ZNF420: variants seen among roughly 807,000 people sequenced by gnomAD.
ZNF420 encodes the protein zinc finger protein 420.
In ZNF420, 31 loss-of-function variants were observed where a neutral mutation model predicts 44.7. The observed-to-expected ratio is 0.69, with a 90% CI of 0.52 to 0.94. The LOEUF (loss-of-function observed/expected upper bound fraction) is 0.94, where lower values mean the gene tolerates loss of function less well. Ranked by LOEUF, ZNF420 falls within the 40% of genes least tolerant of loss-of-function variation. The probability of loss-of-function intolerance (pLI) is 0.00; values close to 1 mark genes in which losing one functional copy is unlikely to be tolerated. For synonymous variants in ZNF420, 245 were observed against 267.4 expected (o/e 0.92, Z 0.82); for missense variants, 681 against 827.9 (o/e 0.82, Z 2.18).
In ZNF420 at chr19:37,125,100, A is replaced by C. The variant is rs369338456; in HGVS notation, c.137-2028A>C. Among the ~76,000 whole-genome samples, 38 of 152,194 alleles carry C rather than the reference A, an allele frequency of 2.5e-4. No homozygotes were observed. In the South Asian group the frequency reaches 7.3e-3, roughly 29 times the overall value. On this transcript the variant is annotated intron_variant, in intron 4 of 4. Transcript: ENST00000337995. ...TGATCCACCTGCCTTGGCCTCCCAA[A>C]GTGCTGGGATTACAGGCATGAGCCA...
intron 1 of ZNF420, among the ~76,000 whole-genome samples, chr19:37,049,364 C>G (rs1240084867): frequency 3.3e-5 from 5 of 152,204 alleles, no homozygotes; most frequent in Non-Finnish European, 1.5e-5. Context: ...TCTCCACATC[C>G]TCTCCAGCAC....
intron 1 of ZNF420, among the ~76,000 whole-genome samples, chr19:37,014,582 C>T (rs902355510): frequency 2.6e-5 from 4 of 152,324 alleles, no homozygotes; most frequent in African/African-American, 4.8e-5. Flanking sequence ...CCTCCTCCCC[C>T]AAGCCGCCGC....
intron 1 of ZNF420, among the ~76,000 whole-genome samples, chr19:37,012,758 A>G (rs1008327546): frequency 1.0e-5 from 1 of 100,102 alleles, no homozygotes; most frequent in Non-Finnish European, 2.2e-5. Context: ...TGCCACTGCT[A>G]TATGTCTCTG....
chr19:37,034,287 A>G (rs577210129), intron 1 of ZNF420, among the ~76,000 whole-genome samples: 1 of 152,048 alleles, frequency 6.6e-6, no homozygotes, highest in Non-Finnish European at 1.5e-5. Flanking sequence ...AGCATCTTTC[A>G]TGTGCTTGAT....
intron 1 of ZNF420, among the ~76,000 whole-genome samples, chr19:37,036,025 C>T (rs1967348367): frequency 6.6e-6 from 1 of 152,140 alleles, no homozygotes; most frequent in Non-Finnish European, 1.5e-5. Flanking sequence ...ATTCTTCCTC[C>T]TAAAATTTCT....
At chr19:37,078,196 C>G (rs1192479309), upstream of ZNF420, 1 of 152,404 alleles carries the variant, frequency 6.6e-6, no homozygotes, top group African/African-American at 2.4e-5. Flanking sequence ...CGCCTGCGCA[C>G]TGAGCGCGGG....
intron 1 of ZNF420, among the ~76,000 whole-genome samples, chr19:37,038,052 C>T (rs1169779148): frequency 1.3e-5 from 2 of 152,132 alleles, no homozygotes; most frequent in South Asian, 4.2e-4. Flanking sequence ...ATTGTTTGAA[C>T]CCCGGAGGCA....
chr19:37,024,404 T>C (rs1232349582), intron 1 of ZNF420, among the ~76,000 whole-genome samples: 1 of 152,070 alleles, frequency 6.6e-6, no homozygotes, highest in East Asian at 1.9e-4. Flanking sequence ...CTTTCTAAAT[T>C]GACTGAGACC....
At chr19:37,084,974 A>G (rs1342955630) in intron 2 of ZNF420, among the ~76,000 whole-genome samples, 3 of 151,992 alleles carry the variant, frequency 2.0e-5, no homozygotes, top group African/African-American at 7.2e-5. Context: ...AATCTACTTT[A>G]TATTGTGGAT....
rs1971579111 is a variant in ZNF420, at chr19:37,130,046, C to T, written c.*988C>T. ...GGGCTGAAAATCTCAGCCTTCCTTG[C>T]AGGTCAACAAGATAGAAGTGATATT... On this transcript the variant is annotated 3_prime_UTR_variant, in exon 5 of 5. Coordinates refer to ENST00000337995, the MANE Select transcript of ZNF420 (RefSeq NM_144689.5). 3.2e-6 allele frequency: 5 copies of T among 1,541,044 alleles called. No individual in the cohort carries two copies. The highest frequency in any genetic ancestry group is 4.4e-6 in the Non-Finnish European group (5 of 1,142,768).
At chr19:37,060,991 CAGGCAT>C (rs771232859) in intron 1 of ZNF420, among the ~76,000 whole-genome samples, 30 of 152,140 alleles carry the variant, frequency 2.0e-4, no homozygotes, top group Non-Finnish European at 4.3e-4. Flanking sequence ...GCTCCTCCAG[CAGGCAT>C]TTCAAATTGT....
chr19:37,035,010 C>G (rs1967326838), intron 1 of ZNF420, among the ~76,000 whole-genome samples: 1 of 152,180 alleles, frequency 6.6e-6, no homozygotes, highest in Non-Finnish European at 1.5e-5. Flanking sequence ...TACCCTGATA[C>G]AGAGAGAAGG....
intron 1 of ZNF420, among the ~76,000 whole-genome samples, chr19:37,039,747 C>G (rs937145468): frequency 9.3e-5 from 14 of 150,646 alleles, no homozygotes; most frequent in African/African-American, 3.4e-4. Flanking sequence ...GTTGCCCAGA[C>G]TGGATTGCAG....
intron 2 of ZNF420, among the ~76,000 whole-genome samples, chr19:37,084,087 A>G (rs532778518): frequency 7.1e-4 from 108 of 152,334 alleles, no homozygotes; most frequent in Non-Finnish European, 1.4e-3. Flanking sequence ...TTATATACAT[A>G]TATTACTTTT....
At chr19:37,057,589 A>T (rs1208942592) in intron 1 of ZNF420, among the ~76,000 whole-genome samples, 1 of 151,582 alleles carries the variant, frequency 6.6e-6, no homozygotes, top group Non-Finnish European at 1.5e-5. Flanking sequence ...TTGCATGTCA[A>T]CCTGTTTTTG....
At position 37,128,951 on chromosome 19, in the gene ZNF420, C is replaced by T. The variant is rs150682748; in HGVS notation, c.1960C>T (p.Arg654Cys). The change falls in exon 5 of 5, where the codon CGT (arginine) becomes TGT (cysteine). Residue 654 changes from arginine to cysteine, a missense_variant. This residue lies in a region of ZNF420 where 280 missense variants were observed against 338.6 expected (regional missense o/e 0.83). Transcript: ENST00000337995. ...QCKECGKAFT[R>C]GSQLTQHQRI... ...TAAGGAATGTGGGAAGGCCTTTACTCGTGGTTCACAGCTAACTCAACATCA... is the reference window on the plus strand; with the variant it reads ...TAAGGAATGTGGGAAGGCCTTTACTTGTGGTTCACAGCTAACTCAACATCA... 31 of 1,614,068 alleles carry T rather than the reference C, an allele frequency of 1.9e-5. No individual in the cohort carries two copies. Among genetic ancestry groups the T allele is most frequent in the Non-Finnish European group, 2.4e-5 (28 of 1,179,972 alleles).
intron 4 of ZNF420, among the ~76,000 whole-genome samples, chr19:37,103,273 G>A (rs951813101): frequency 1.3e-5 from 2 of 151,898 alleles, no homozygotes; most frequent in Non-Finnish European, 2.9e-5. Flanking sequence ...AGGATTATAT[G>A]TTTTTTCTAT....
chr19:37,089,077 A>T lies in ZNF420; in HGVS notation c.-42A>T. The stretch of plus-strand genomic sequence containing the variant: ...AGACTCTGTGCTTTCCTAAGATAGG[A>T]ACCCAGAAGAGGACTGATCATTTCT... On this transcript the variant is annotated 5_prime_UTR_variant, in exon 3 of 5. Transcript: ENST00000337995. The T allele has an allele frequency of 6.2e-7, 1 of 1,605,490 alleles. No individual in the cohort carries two copies. Among genetic ancestry groups the T allele is most frequent in the Non-Finnish European group, 8.5e-7 (1 of 1,172,076 alleles).
At position 37,129,179 on chromosome 19, in the gene ZNF420, G is replaced by C; in HGVS notation, c.*121G>C. 7.8e-7 allele frequency: 1 copy of C among 1,277,414 alleles called. No individual in the cohort carries two copies. Among genetic ancestry groups the C allele is most frequent in the Middle Eastern group, 2.4e-4 (1 of 4,090 alleles). The allele number at this position is 1,277,414 out of a possible 1,614,324, so 79.1% of individuals were successfully genotyped here. On this transcript the variant is annotated 3_prime_UTR_variant, in exon 5 of 5. Coordinates refer to ENST00000337995, the MANE Select transcript of ZNF420 (RefSeq NM_144689.5). ...TAAAGCACAGCATCAGATAATTTATGTGAGAGAAAATGGTAGTGTCATTCA... is the reference window on the plus strand; with the variant it reads ...TAAAGCACAGCATCAGATAATTTATCTGAGAGAAAATGGTAGTGTCATTCA...
Sources: allele counts gnomAD v4.1 joint callset (sites outside exome capture counted in the v4.1 genomes callset), GRCh38; gene constraint gnomAD v4.1.1; regional missense constraint gnomAD v4.1.1; transcripts MANE v1.5; gene names NCBI Gene and HGNC (gene_info 2026-07-23, HGNC 2026-07-21).